The following SORCS1 variants were observed in gnomAD, a reference collection of about 807,000 sequenced individuals.
The protein encoded by SORCS1 is sortilin related VPS10 domain containing receptor 1.
Under a neutral mutation model 146.1 loss-of-function variants are expected in SORCS1, and 60 were observed. That is an observed-to-expected ratio of 0.41 (90% CI 0.33 to 0.51). The LOEUF (loss-of-function observed/expected upper bound fraction) is 0.51, where lower values mean the gene tolerates loss of function less well. SORCS1 is among the 20% of genes least tolerant of loss of function. SORCS1 has a pLI of 0.21. For missense variants in SORCS1, 1,352 were observed against 1,487.6 expected (o/e 0.91, Z 1.50); for synonymous variants, 637 against 584.0 (o/e 1.09, Z -1.31).
chr10:107,159,598 A>G (rs1310637909), intron 1 of SORCS1, among the ~76,000 whole-genome samples: 1 of 152,146 alleles, frequency 6.6e-6, no homozygotes, highest in Admixed American at 6.5e-5. Context: ...TACTATCCCC[A>G]TATTTTAGAT....
chr10:106,961,246 A>G (rs1433958926), intron 1 of SORCS1, among the ~76,000 whole-genome samples: 1 of 152,226 alleles, frequency 6.6e-6, no homozygotes, highest in Non-Finnish European at 1.5e-5. Context: ...GCAGCATAAG[A>G]CAGGCAGTCT....
chr10:106,884,943 A>C (rs1950938641), intron 2 of SORCS1, among the ~76,000 whole-genome samples: 1 of 152,184 alleles, frequency 6.6e-6, no homozygotes, highest in African/African-American at 2.4e-5. Context: ...CAGGGCCTAA[A>C]CTTTTACTGA....
the SORCS1 span, among the ~76,000 whole-genome samples, chr10:107,180,202 C>G: frequency 6.6e-6 from 1 of 152,128 alleles, no homozygotes; most frequent in Admixed American, 6.5e-5. Flanking sequence ...AAGTGTGAGC[C>G]ACTGAGACTG....
At chr10:107,176,272 C>A in the SORCS1 span, among the ~76,000 whole-genome samples, 3 of 151,040 alleles carry the variant, frequency 2.0e-5, no homozygotes, top group Non-Finnish European at 4.4e-5. Context: ...TTTTCTCTTT[C>A]TTTCTTCCTT....
In SORCS1 at chr10:107,158,458, CT is replaced by C. The variant is rs1251272570; in HGVS notation, c.558+5510del. On this transcript the variant is annotated intron_variant, in intron 1 of 25. Transcript: ENST00000263054. ...TCCTTGTAATAATCTCCAACTGTTACTTACAATCTTCTCTACATTTCAAGGT... is the reference window on the plus strand; with the variant it reads ...TCCTTGTAATAATCTCCAACTGTTACTACAATCTTCTCTACATTTCAAGGT... 2.6e-5 allele frequency among the ~76,000 whole-genome samples: 4 copies of C among 152,316 alleles called. No homozygotes were observed. The East Asian group carries it at 7.7e-4, about 29-fold the overall frequency.
chr10:106,686,190 C>T (rs1241999409), intron 10 of SORCS1, among the ~76,000 whole-genome samples: 2 of 152,154 alleles, frequency 1.3e-5, no homozygotes, highest in African/African-American at 4.8e-5. Flanking sequence ...AAGCCTGCCA[C>T]TGTGGATCAG....
At chr10:106,778,187 C>T (rs147469071) in intron 3 of SORCS1, among the ~76,000 whole-genome samples, 42 of 152,236 alleles carry the variant, frequency 2.8e-4, no homozygotes, top group African/African-American at 9.9e-4. Flanking sequence ...TCTGTTTATG[C>T]TATCCAGGAC....
At chr10:106,753,899 G>A (rs941152717) in intron 5 of SORCS1, among the ~76,000 whole-genome samples, 8 of 152,136 alleles carry the variant, frequency 5.3e-5, no homozygotes, top group Non-Finnish European at 1.2e-4. Flanking sequence ...ACATACCTGG[G>A]TTTAAATTTC....
chr10:106,942,333 A>C (rs892419112), intron 2 of SORCS1, among the ~76,000 whole-genome samples: 5 of 151,616 alleles, frequency 3.3e-5, no homozygotes, highest in African/African-American at 1.2e-4. Flanking sequence ...TTTGGTCAAG[A>C]CCTCTTATCT....
chr10:107,178,444 T>C, the SORCS1 span, among the ~76,000 whole-genome samples: 1 of 151,814 alleles, frequency 6.6e-6, no homozygotes, highest in Non-Finnish European at 1.5e-5. Context: ...GTTCCATTTA[T>C]GTTGCTGCAG....
At chr10:106,965,560 A>G (rs1300682971) in intron 1 of SORCS1, among the ~76,000 whole-genome samples, 2 of 152,228 alleles carry the variant, frequency 1.3e-5, no homozygotes, top group Non-Finnish European at 2.9e-5. Context: ...TCTGTGTGCC[A>G]GATATCATAA....
At chr10:106,914,642 T>A (rs954455731) in intron 2 of SORCS1, among the ~76,000 whole-genome samples, 2 of 152,200 alleles carry the variant, frequency 1.3e-5, no homozygotes, top group Admixed American at 1.3e-4. Flanking sequence ...GAAAAAGGCA[T>A]GAATTGACCT....
intron 5 of SORCS1, among the ~76,000 whole-genome samples, chr10:106,736,109 T>C (rs1025006207): frequency 6.6e-6 from 1 of 152,188 alleles, no homozygotes; most frequent in Non-Finnish European, 1.5e-5. Context: ...CCTTCTGAAA[T>C]ACAATCAGCC....
At chr10:106,632,132 C>T (rs771117667) in intron 18 of SORCS1, among the ~76,000 whole-genome samples, 5 of 152,078 alleles carry the variant, frequency 3.3e-5, no homozygotes, top group Non-Finnish European at 7.4e-5. Flanking sequence ...TTAACATGCA[C>T]CTGACAGCCC....
chr10:106,995,251 T>G (rs1365714893), intron 1 of SORCS1, among the ~76,000 whole-genome samples: 2 of 146,366 alleles, frequency 1.4e-5, no homozygotes, highest in South Asian at 2.1e-4. Flanking sequence ...GAGGCAGAGC[T>G]AGCAGTGAGC....
intron 1 of SORCS1, among the ~76,000 whole-genome samples, chr10:107,048,615 C>T (rs7894243): frequency 2.4e-4 from 37 of 152,002 alleles, no homozygotes; most frequent in East Asian, 1.9e-4. Context: ...TATTTTATGG[C>T]GTACGTGAAG....
chr10:106,996,233 A>C (rs1479301353), intron 1 of SORCS1, among the ~76,000 whole-genome samples: 39 of 48,874 alleles, frequency 8.0e-4, no homozygotes, highest in African/African-American at 2.7e-3. Flanking sequence ...TCTAAAAAAA[A>C]AAAAAAAAAA....
chr10:107,175,751 T>A, the SORCS1 span, among the ~76,000 whole-genome samples: 1 of 152,222 alleles, frequency 6.6e-6, no homozygotes, highest in Non-Finnish European at 1.5e-5. Flanking sequence ...TATTTCTTTT[T>A]GTGTTTGTTT....
chr10:106,860,882 A>G (rs2137425872), intron 2 of SORCS1, among the ~76,000 whole-genome samples: 1 of 152,292 alleles, frequency 6.6e-6, no homozygotes, highest in South Asian at 2.1e-4. Flanking sequence ...GCTTCTAGTA[A>G]ACTAGTTCAA....
Sources: gnomAD v4.1 joint callset for allele counts (sites outside exome capture counted in the v4.1 genomes callset) on GRCh38, gnomAD v4.1.1 for gene constraint, MANE v1.5 for transcripts, NCBI Gene and HGNC (gene_info 2026-07-23, HGNC 2026-07-21) for gene names.